NSMCE2: variants seen among roughly 807,000 people sequenced by gnomAD.
NSMCE2 encodes the protein E3 SUMO-protein ligase NSE2.
NSMCE2 carries 24 observed loss-of-function variants against 23.8 expected under a neutral mutation model. That is an observed-to-expected ratio of 1.01 (90% CI 0.73 to 1.42). The LOEUF is 1.42. Ranked by LOEUF, NSMCE2 falls within the 40% of genes most tolerant of loss-of-function variation. NSMCE2 has a pLI of 0.00. For missense variants in NSMCE2, 284 were observed against 296.5 expected (o/e 0.96, Z 0.31); for synonymous variants, 92 against 94.1 (o/e 0.98, Z 0.13).
chr8:125,164,931 C>T (rs1821801183), intron 4 of NSMCE2, among the ~76,000 whole-genome samples: 1 of 152,174 alleles, frequency 6.6e-6, no homozygotes, highest in Non-Finnish European at 1.5e-5. Flanking sequence ...GGTTAGCCTA[C>T]AGATTTGTTC....
intron 4 of NSMCE2, among the ~76,000 whole-genome samples, chr8:125,170,977 G>A (rs1028765731): frequency 6.6e-6 from 1 of 152,118 alleles, no homozygotes; most frequent in Non-Finnish European, 1.5e-5. Flanking sequence ...AAAGCCCTCC[G>A]TCATCTGTCC....
intron 5 of NSMCE2, among the ~76,000 whole-genome samples, chr8:125,320,097 ACC>A (rs1829364877): frequency 6.6e-6 from 1 of 150,658 alleles, no homozygotes; most frequent in African/African-American, 2.4e-5. Context: ...AATCGCTTGA[ACC>A]CAGGAGGTGG....
intron 5 of NSMCE2, among the ~76,000 whole-genome samples, chr8:125,215,766 T>C (rs1824553333): frequency 1.3e-5 from 2 of 152,222 alleles, no homozygotes; most frequent in African/African-American, 4.8e-5. Flanking sequence ...TAGCCAGTTT[T>C]CCCAGCACCA....
chr8:125,281,982 A>G (rs190110217), intron 5 of NSMCE2, among the ~76,000 whole-genome samples: 102 of 152,266 alleles, frequency 6.7e-4, no homozygotes, highest in African/African-American at 2.4e-3. Context: ...TGCAGGGGCC[A>G]GGGAGGGAAG....
rs557767917 is a variant in NSMCE2 at position 125,359,989 on chromosome 8, GAAA to G, written c.626+2173_626+2175del. Among the ~76,000 whole-genome samples the G allele has an allele frequency of 6.9e-4, 105 of 152,286 alleles. 1 individual carries two copies. Among genetic ancestry groups the G allele is most frequent in the Middle Eastern group, 3.4e-3 (1 of 294 alleles). On this transcript the variant is annotated intron_variant, in intron 7 of 7. Coordinates refer to ENST00000287437, the MANE Select transcript of NSMCE2 (RefSeq NM_173685.4). ...TGCTTTTACAGTGGTTTAAGTTATA[GAAA>G]ATTAGAGTATAGAGATACAAGAGTG... is the stretch of plus-strand genomic sequence containing the variant.
rs1025866467 is a variant in NSMCE2 at position 125,217,383 on chromosome 8, T to C, written c.418+35127T>C. 5.9e-5 allele frequency among the ~76,000 whole-genome samples: 9 copies of C among 152,146 alleles called. No homozygotes were observed. The East Asian group carries it at 1.5e-3, about 26-fold the overall frequency. On this transcript the variant is annotated intron_variant, in intron 5 of 7. Coordinates refer to ENST00000287437, the MANE Select transcript of NSMCE2 (RefSeq NM_173685.4). Reference sequence around the variant, plus strand: ...TATTTTTTATTTATTTATTTTGAGATGGAGTCTTGCTGTGTCACCCAGGCT... The same window carrying C: ...TATTTTTTATTTATTTATTTTGAGACGGAGTCTTGCTGTGTCACCCAGGCT...
chr8:125,167,398 G>T (rs576289132), intron 4 of NSMCE2, among the ~76,000 whole-genome samples: 2 of 152,176 alleles, frequency 1.3e-5, no homozygotes, highest in Non-Finnish European at 2.9e-5. Context: ...CCGGCATGGT[G>T]GTTTATGCCT....
chr8:125,240,130 CTT>C (rs397687521), intron 5 of NSMCE2, among the ~76,000 whole-genome samples: 1 of 144,148 alleles, frequency 6.9e-6, no homozygotes. Context: ...TTTTCTTTTT[CTT>C]TTTTTTTTTT....
chr8:125,238,234 G>A lies in NSMCE2; in HGVS notation c.418+55978G>A, dbSNP rs59249754. Among the ~76,000 whole-genome samples, 194 of 152,206 alleles carry A rather than the reference G, an allele frequency of 1.3e-3. 2 individuals carry two copies. Among genetic ancestry groups the A allele is most frequent in the African/African-American group, 4.2e-3 (174 of 41,504 alleles). On this transcript the variant is annotated intron_variant, in intron 5 of 7. Transcript: ENST00000287437. ...AAGGATAAGGATGCAAGTAGAGCAG[G>A]CAGGGAACGAGGTTATAGAAACTTT...
At chr8:125,352,206 C>T (rs1375977204) in intron 5 of NSMCE2, among the ~76,000 whole-genome samples, 5 of 152,120 alleles carry the variant, frequency 3.3e-5, no homozygotes, top group East Asian at 1.9e-4. Context: ...TGGGGCTGGG[C>T]GTGGTGGCTC....
chr8:125,229,878 GA>G (rs1433756384), intron 5 of NSMCE2, among the ~76,000 whole-genome samples: 1 of 151,908 alleles, frequency 6.6e-6, no homozygotes, highest in Non-Finnish European at 1.5e-5. Context: ...ATTTTTGAGG[GA>G]AGAAATACTT....
intron 5 of NSMCE2, among the ~76,000 whole-genome samples, chr8:125,200,779 G>A (rs1001235950): frequency 3.9e-5 from 6 of 152,218 alleles, no homozygotes; most frequent in Admixed American, 6.5e-5. Flanking sequence ...TTCCAACTTG[G>A]TACCATACTC....
intron 4 of NSMCE2, among the ~76,000 whole-genome samples, chr8:125,163,750 C>T (rs1484837935): frequency 6.6e-6 from 1 of 152,180 alleles, no homozygotes. Flanking sequence ...GGAAGGGAGT[C>T]CCTGTTAGCT....
At chr8:125,162,340 G>A (rs886992739) in intron 4 of NSMCE2, among the ~76,000 whole-genome samples, 7 of 152,174 alleles carry the variant, frequency 4.6e-5, no homozygotes, top group African/African-American at 1.7e-4. Flanking sequence ...AGGTGAAACT[G>A]AACATGTTAT....
At chr8:125,120,114 A>G (rs1563661763) in intron 3 of NSMCE2, among the ~76,000 whole-genome samples, 1 of 152,182 alleles carries the variant, frequency 6.6e-6, no homozygotes, top group Non-Finnish European at 1.5e-5. Flanking sequence ...CTTTTTTGAT[A>G]CTAAAATTAG....
At chr8:125,219,585 T>TATTAA (rs1357617766) in intron 5 of NSMCE2, among the ~76,000 whole-genome samples, 1 of 152,226 alleles carries the variant, frequency 6.6e-6, no homozygotes, top group Non-Finnish European at 1.5e-5. Context: ...TGTGCAACGA[T>TATTAA]ATTAAATAGA....
intron 3 of NSMCE2, among the ~76,000 whole-genome samples, chr8:125,108,949 A>C (rs1818599106): frequency 6.6e-6 from 1 of 152,218 alleles, no homozygotes; most frequent in Admixed American, 6.5e-5. Flanking sequence ...TTTAAAGTAG[A>C]GGAAAAAATA....
intron 5 of NSMCE2, among the ~76,000 whole-genome samples, chr8:125,194,100 ATTATC>A (rs771293785): frequency 2.6e-5 from 4 of 152,120 alleles, no homozygotes; most frequent in Non-Finnish European, 5.9e-5. Flanking sequence ...TCTCCCATCT[ATTATC>A]TTATTTAATT....
intron 5 of NSMCE2, among the ~76,000 whole-genome samples, chr8:125,305,877 G>T (rs528491734): frequency 6.5e-4 from 99 of 152,264 alleles, no homozygotes; most frequent in Non-Finnish European, 1.3e-3. Flanking sequence ...TAGTGGAGAG[G>T]CTTAGTAAAA....
Sources: allele counts gnomAD v4.1 joint callset (sites outside exome capture counted in the v4.1 genomes callset), GRCh38; gene constraint gnomAD v4.1.1; transcripts MANE v1.5; gene names NCBI Gene and HGNC (gene_info 2026-07-23, HGNC 2026-07-21).